Variants in HCN1 observed in about 807,000 individuals in gnomAD.
HCN1 encodes the protein hyperpolarization activated cyclic nucleotide gated potassium channel 1, also known as potassium/sodium hyperpolarization-activated cyclic nucleotide-gated channel 1.
Under a neutral mutation model 78.9 loss-of-function variants are expected in HCN1, and 13 were observed. The observed-to-expected ratio is 0.16, with a 90% CI of 0.11 to 0.26. HCN1 has a LOEUF of 0.26. Among genes scored for constraint, HCN1 ranks in the 10% least tolerant of loss-of-function variants. The pLI, the probability that HCN1 is intolerant of heterozygous loss-of-function variation, is 1.00. For missense variants in HCN1, 810 were observed against 1,154.3 expected, an observed-to-expected ratio of 0.70 and a Z score of 4.32; for synonymous variants, 552 against 455.5, an observed-to-expected ratio of 1.21 and a Z score of -2.70.
rs183080878 is a variant in HCN1 at position 45,304,994 on chromosome 5, A to C, written c.1378-1155T>G. On this transcript the variant is annotated intron_variant, in intron 5 of 7. Transcript: ENST00000303230. ...GACACAGAAGAGACAGTGGAAATTT[A>C]CATTTTTGCCACAAAGCCAATTCTC... 6.4e-4 allele frequency among the ~76,000 whole-genome samples: 98 copies of C among 152,286 alleles called. 1 individual carries two copies. In the East Asian group the frequency reaches 0.011, roughly 17 times the overall value.
Position 45,690,977 on chromosome 5 carries a change from AAAATCATACT to A in HCN1, c.425+4682_425+4691del, listed in dbSNP as rs1213164419. ...TTCAGAATGATAAGATTATCACCTG[AAAATCATACT>A]AAATGCATTCTGCTGGTTTCCTGCT... On this transcript the variant is annotated intron_variant, in intron 1 of 7. Transcript: ENST00000303230. 1.6e-4 allele frequency among the ~76,000 whole-genome samples: 24 copies of A among 152,242 alleles called. No individual in the cohort carries two copies. The East Asian group carries it at 4.4e-3, about 28-fold the overall frequency.
At chr5:45,447,212 C>T (rs774722911) in intron 3 of HCN1, among the ~76,000 whole-genome samples, 11 of 151,814 alleles carry the variant, frequency 7.2e-5, no homozygotes, top group African/African-American at 1.5e-4. Flanking sequence ...AAATGGAAAA[C>T]AAAAAAAGGC....
intron 1 of HCN1, among the ~76,000 whole-genome samples, chr5:45,684,762 T>G (rs1341632387): frequency 6.6e-6 from 1 of 152,190 alleles, no homozygotes; most frequent in Admixed American, 6.5e-5. Context: ...CTCTGGAAGC[T>G]GAGGAAAGAG....
intron 2 of HCN1, among the ~76,000 whole-genome samples, chr5:45,535,260 G>GTCTTAA (rs1438088210): frequency 6.6e-6 from 1 of 152,076 alleles, no homozygotes; most frequent in Admixed American, 6.6e-5. Context: ...GGAAGAGAAC[G>GTCTTAA]TCTTAATATA....
intron 1 of HCN1, among the ~76,000 whole-genome samples, chr5:45,668,478 T>C (rs527411906): frequency 6.6e-6 from 1 of 151,928 alleles, no homozygotes; most frequent in African/African-American, 2.4e-5. Context: ...TCCCTAGCCA[T>C]GTGGAATTGT....
chr5:45,580,826 A>G (rs1451187972), intron 2 of HCN1, among the ~76,000 whole-genome samples: 2 of 152,106 alleles, frequency 1.3e-5, no homozygotes, highest in Non-Finnish European at 2.9e-5. Context: ...GCTGAGAATG[A>G]TGGCTTCCAG....
chr5:45,624,933 G>A (rs565398744), intron 2 of HCN1, among the ~76,000 whole-genome samples: 1 of 152,270 alleles, frequency 6.6e-6, no homozygotes, highest in African/African-American at 2.4e-5. Flanking sequence ...GAGATAATGA[G>A]AAGGCATATG....
chr5:45,682,835 GATT>G (rs1181954642), intron 1 of HCN1, among the ~76,000 whole-genome samples: 24 of 152,002 alleles, frequency 1.6e-4, no homozygotes, highest in Admixed American at 3.3e-4. Flanking sequence ...ATTTTAATGA[GATT>G]ATATTTGTTT....
chr5:45,499,308 C>A (rs147342486), intron 2 of HCN1, among the ~76,000 whole-genome samples: 1 of 152,186 alleles, frequency 6.6e-6, no homozygotes, highest in Admixed American at 6.5e-5. Context: ...TTTTTTAAGA[C>A]GGTTGGAAAA....
At chr5:45,273,660 C>A (rs562951660) in intron 6 of HCN1, among the ~76,000 whole-genome samples, 10 of 152,262 alleles carry the variant, frequency 6.6e-5, no homozygotes, top group South Asian at 2.1e-4. Flanking sequence ...TAAACAAAAG[C>A]TGCTTCCTTC....
At chr5:45,488,405 G>T (rs1741812548) in intron 2 of HCN1, among the ~76,000 whole-genome samples, 1 of 151,970 alleles carries the variant, frequency 6.6e-6, no homozygotes, top group African/African-American at 2.4e-5. Context: ...TGGCATTGAG[G>T]AAAAACTGAT....
chr5:45,267,035 T>A (rs1212450032), intron 7 of HCN1, 54 bp downstream of exon 7: 15 of 1,448,132 alleles, frequency 1.0e-5, no homozygotes, highest in African/African-American at 1.4e-5. Context: ...ATTGCAAACC[T>A]GTATTATGCC....
At chr5:45,494,776 C>A (rs1481307313) in intron 2 of HCN1, among the ~76,000 whole-genome samples, 7 of 152,012 alleles carry the variant, frequency 4.6e-5, no homozygotes, top group Non-Finnish European at 7.4e-5. Flanking sequence ...TAATTTTTGT[C>A]TAAGGTGTAA....
At chr5:45,383,244 G>A (rs1276689869) in intron 4 of HCN1, among the ~76,000 whole-genome samples, 1 of 152,100 alleles carries the variant, frequency 6.6e-6, no homozygotes, top group African/African-American at 2.4e-5. Context: ...CATGTATTCA[G>A]AATTCTGGTA....
At chr5:45,390,599 A>G (rs950881761) in intron 4 of HCN1, among the ~76,000 whole-genome samples, 4 of 152,188 alleles carry the variant, frequency 2.6e-5, no homozygotes, top group Non-Finnish European at 5.9e-5. Context: ...TACAATATAC[A>G]TGTAGGGCAT....
At chr5:45,426,088 G>T (rs951217327) in intron 3 of HCN1, among the ~76,000 whole-genome samples, 1 of 152,106 alleles carries the variant, frequency 6.6e-6, no homozygotes, top group Non-Finnish European at 1.5e-5. Context: ...TTAAAGTAGG[G>T]TTTCATCTTT....
At chr5:45,428,278 T>C (rs1363539140) in intron 3 of HCN1, among the ~76,000 whole-genome samples, 1 of 152,048 alleles carries the variant, frequency 6.6e-6, no homozygotes, top group Non-Finnish European at 1.5e-5. Flanking sequence ...TTAGAGATGA[T>C]TTTGGTCAGT....
At position 45,395,834 on chromosome 5, in the gene HCN1, A is replaced by G. The variant is rs977177807; in HGVS notation, c.1230+658T>C. On this transcript the variant is annotated intron_variant, in intron 4 of 7. Coordinates refer to ENST00000303230, the MANE Select transcript of HCN1 (RefSeq NM_021072.4). ...ACCCTATATTTAGCCCTAGCCAAAGAAATTCTTCATGTGGGAAAAAAAAAT... is the reference window on the plus strand; with the variant it reads ...ACCCTATATTTAGCCCTAGCCAAAGGAATTCTTCATGTGGGAAAAAAAAAT... Among the ~76,000 whole-genome samples the G allele has an allele frequency of 6.8e-4, 103 of 151,900 alleles. 1 individual carries two copies. The highest frequency in any genetic ancestry group is 2.4e-3 in the African/African-American group (97 of 41,230).
intron 6 of HCN1, among the ~76,000 whole-genome samples, chr5:45,292,027 G>C (rs1745388382): frequency 6.6e-6 from 1 of 151,554 alleles, no homozygotes; most frequent in Non-Finnish European, 1.5e-5. Flanking sequence ...CACAAATTTA[G>C]AATACTATGT....
Sources: gnomAD v4.1 joint callset for allele counts (sites outside exome capture counted in the v4.1 genomes callset) on GRCh38, gnomAD v4.1.1 for gene constraint, MANE v1.5 for transcripts, NCBI Gene and HGNC (gene_info 2026-07-23, HGNC 2026-07-21) for gene names.